Variants in PTPN14 observed in about 807,000 individuals in gnomAD.
PTPN14 encodes the protein protein tyrosine phosphatase non-receptor type 14, also known as tyrosine-protein phosphatase non-receptor type 14.
In PTPN14, 53 loss-of-function variants were observed where a neutral mutation model predicts 126.8. The observed-to-expected ratio is 0.42, with a 90% CI of 0.34 to 0.53. The LOEUF is 0.53. PTPN14 is among the 20% of genes least tolerant of loss of function. PTPN14 has a pLI of 0.08. For synonymous variants in PTPN14, 630 were observed against 599.3 expected (o/e 1.05, Z -0.75); for missense variants, 1,257 against 1,552.9 (o/e 0.81, Z 3.20).
At chr1:214,410,280 C>T (rs902345095) in intron 5 of PTPN14, among the ~76,000 whole-genome samples, 7 of 150,476 alleles carry the variant, frequency 4.7e-5, no homozygotes, top group South Asian at 2.1e-4. Flanking sequence ...TCAGGTCTTA[C>T]ATTTAAGTCT....
intron 1 of PTPN14, among the ~76,000 whole-genome samples, chr1:214,477,158 T>G (rs970098941): frequency 6.6e-6 from 1 of 152,162 alleles, no homozygotes; most frequent in Admixed American, 6.6e-5. Flanking sequence ...TGGATTCTAG[T>G]GTATAACGCA....
intron 1 of PTPN14, among the ~76,000 whole-genome samples, chr1:214,508,727 G>T (rs1277970351): frequency 1.3e-5 from 2 of 152,176 alleles, no homozygotes; most frequent in Non-Finnish European, 2.9e-5. Context: ...ATCTACGGCA[G>T]CTATAGCCTT....
intron 1 of PTPN14, chr1:214,530,642 CTATAA>C (rs1655521838): frequency 6.6e-6 from 1 of 152,072 alleles, no homozygotes; most frequent in Admixed American, 6.6e-5. Flanking sequence ...ATGCCTGGCT[CTATAA>C]TATATTTTAC....
intron 1 of PTPN14, chr1:214,533,373 A>G: frequency 2.1e-6 from 1 of 465,744 alleles, no homozygotes; most frequent in Non-Finnish European, 4.0e-6. Context: ...GATGGACAGC[A>G]GCAACTCCAC....
intron 1 of PTPN14, among the ~76,000 whole-genome samples, chr1:214,468,313 T>C (rs2102657582): frequency 6.6e-6 from 1 of 152,268 alleles, no homozygotes; most frequent in South Asian, 2.1e-4. Flanking sequence ...CCTAGCACTT[T>C]GGGAGGCCAA....
intron 1 of PTPN14, chr1:214,530,273 A>C (rs1186406008): frequency 6.6e-6 from 1 of 152,156 alleles, no homozygotes; most frequent in Non-Finnish European, 1.5e-5. Context: ...GGGGTCCCAT[A>C]AGTGATCAAC....
At chr1:214,359,217 CTT>C (rs1055472030) in intron 18 of PTPN14, among the ~76,000 whole-genome samples, 11 of 141,052 alleles carry the variant, frequency 7.8e-5, no homozygotes, top group Admixed American at 1.4e-4. Flanking sequence ...CACTTTTTTT[CTT>C]TTTTTTTTTT....
intron 1 of PTPN14, among the ~76,000 whole-genome samples, chr1:214,501,931 C>T (rs866751943): frequency 5.3e-5 from 8 of 151,784 alleles, no homozygotes; most frequent in Middle Eastern, 3.4e-3. Context: ...TGGTGGTGGG[C>T]GCCTGTAGTC....
chr1:214,379,424 T>C (rs1339704743), intron 13 of PTPN14, among the ~76,000 whole-genome samples: 2 of 152,184 alleles, frequency 1.3e-5, no homozygotes, highest in African/African-American at 4.8e-5. Flanking sequence ...ACAATCAGAA[T>C]GAAGCCTGTG....
chr1:214,374,859 C>A (rs1046467649), intron 15 of PTPN14, among the ~76,000 whole-genome samples: 4 of 152,054 alleles, frequency 2.6e-5, no homozygotes, highest in African/African-American at 9.7e-5. Flanking sequence ...GAGATCTGGC[C>A]AAAAGAAGAA....
At chr1:214,504,089 C>G (rs1014491156) in intron 1 of PTPN14, among the ~76,000 whole-genome samples, 2 of 152,156 alleles carry the variant, frequency 1.3e-5, no homozygotes, top group Admixed American at 1.3e-4. Context: ...CATTCCTCCC[C>G]AACTAGTAAT....
intron 1 of PTPN14, among the ~76,000 whole-genome samples, chr1:214,514,400 T>C (rs1022455442): frequency 6.6e-6 from 1 of 152,188 alleles, no homozygotes; most frequent in Non-Finnish European, 1.5e-5. Flanking sequence ...ATCCCGTAGA[T>C]GCAGCATTTG....
chr1:214,433,960 A>C (rs879345432), intron 3 of PTPN14, among the ~76,000 whole-genome samples: 42,893 of 127,042 alleles, frequency 0.34, 7,042 homozygotes, highest in South Asian at 0.42. Flanking sequence ...ACAAAAAAAA[A>C]AAAAAAAAAA....
At chr1:214,512,959 T>G (rs770355729) in intron 1 of PTPN14, among the ~76,000 whole-genome samples, 2 of 152,138 alleles carry the variant, frequency 1.3e-5, no homozygotes, top group Non-Finnish European at 2.9e-5. Flanking sequence ...CCCAAAATAC[T>G]GAGATTACAG....
intron 13 of PTPN14, among the ~76,000 whole-genome samples, chr1:214,379,371 A>T (rs1438373691): frequency 6.6e-6 from 1 of 152,144 alleles, no homozygotes; most frequent in African/African-American, 2.4e-5. Flanking sequence ...TGCGGGTGGG[A>T]GGACTGCATG....
intron 13 of PTPN14, among the ~76,000 whole-genome samples, chr1:214,381,823 G>A (rs913159740): frequency 2.6e-5 from 4 of 152,224 alleles, no homozygotes; most frequent in Admixed American, 2.6e-4. Flanking sequence ...TGAATGAAGA[G>A]AAGTCAATCT....
Position 214,458,755 on chromosome 1 carries a change from T to A in PTPN14, c.174+5875A>T, listed in dbSNP as rs144011109. 3.5e-4 allele frequency among the ~76,000 whole-genome samples: 54 copies of A among 152,306 alleles called. 3 individuals carry two copies. The East Asian group carries it at 0.01, about 29-fold the overall frequency. ...TTTTTTAAACCGTGAGAATTAGTCA[T>A]AAGGCACCATTGTTTTAGCTCTTTT... On this transcript the variant is annotated intron_variant, in intron 2 of 18. Coordinates refer to ENST00000366956, the MANE Select transcript of PTPN14 (RefSeq NM_005401.5).
chr1:214,470,535 C>T (rs1165651798), intron 1 of PTPN14, among the ~76,000 whole-genome samples: 1 of 152,124 alleles, frequency 6.6e-6, no homozygotes, highest in Non-Finnish European at 1.5e-5. Context: ...GTAATCCCAA[C>T]ACTTTTGGAG....
Position 214,390,978 on chromosome 1 carries a change from C to T in PTPN14, c.987+10G>A. 1 of 1,527,210 alleles carries T rather than the reference C, an allele frequency of 6.5e-7. No homozygotes were observed. The highest frequency in any genetic ancestry group is 1.7e-4 in the Middle Eastern group (1 of 5,818). The allele number at this position is 1,527,210 out of a possible 1,614,324, so 94.6% of individuals were successfully genotyped here. On this transcript the variant is annotated intron_variant, in intron 11 of 18. Coordinates refer to ENST00000366956, the MANE Select transcript of PTPN14 (RefSeq NM_005401.5). ...TCAGATCACTTGATCACTGCAGCTT[C>T]TATACATACCAGAGAGGATCGGCTC...
Sources: allele counts gnomAD v4.1 joint callset (sites outside exome capture counted in the v4.1 genomes callset), GRCh38; gene constraint gnomAD v4.1.1; transcripts MANE v1.5; gene names NCBI Gene and HGNC (gene_info 2026-07-23, HGNC 2026-07-21).